Variants in CTNNA3 observed in about 807,000 individuals in gnomAD.
The protein encoded by CTNNA3 is catenin alpha 3.
In CTNNA3, 76 loss-of-function variants were observed where a neutral mutation model predicts 95.7. That is an observed-to-expected ratio of 0.79 (90% CI 0.66 to 0.96). The LOEUF is 0.96. Among genes scored for constraint, CTNNA3 ranks in the 40% least tolerant of loss-of-function variants. The probability of loss-of-function intolerance (pLI) is 0.00; values close to 1 mark genes in which losing one functional copy is unlikely to be tolerated. For synonymous variants in CTNNA3, 431 were observed against 374.4 expected, an observed-to-expected ratio of 1.15 and a Z score of -1.74; for missense variants, 1,191 against 1,089.8, an observed-to-expected ratio of 1.09 and a Z score of -1.31.
intron 5 of CTNNA3, among the ~76,000 whole-genome samples, chr10:67,384,680 TG>T (rs1163494689): frequency 6.6e-6 from 1 of 152,144 alleles, no homozygotes; most frequent in Non-Finnish European, 1.5e-5. Flanking sequence ...AATAAAACTC[TG>T]AGCCAGTGAA....
chr10:65,982,223 A>G (rs2078334381), intron 16 of CTNNA3, among the ~76,000 whole-genome samples: 1 of 151,648 alleles, frequency 6.6e-6, no homozygotes, highest in South Asian at 2.1e-4. Flanking sequence ...AGATATACAA[A>G]TGGCCAACAA....
At chr10:66,590,745 G>T (rs867877533) in intron 10 of CTNNA3, among the ~76,000 whole-genome samples, 33 of 151,916 alleles carry the variant, frequency 2.2e-4, no homozygotes, top group African/African-American at 8.0e-4. Context: ...ATACTTTTCA[G>T]TAGTTCTAAA....
intron 3 of CTNNA3, among the ~76,000 whole-genome samples, chr10:67,557,659 A>C (rs1589422598): frequency 6.6e-6 from 1 of 152,322 alleles, no homozygotes; most frequent in Admixed American, 6.5e-5. Context: ...GTTTCAAATA[A>C]CAGAATCTAT....
intron 14 of CTNNA3, among the ~76,000 whole-genome samples, chr10:66,100,782 G>A (rs1452006122): frequency 1.3e-5 from 2 of 152,142 alleles, no homozygotes; most frequent in East Asian, 3.9e-4. Context: ...GTAGTAATAA[G>A]AAGTTTACCA....
chr10:66,796,542 A>G (rs1841198871), intron 7 of CTNNA3, among the ~76,000 whole-genome samples: 1 of 152,104 alleles, frequency 6.6e-6, no homozygotes, highest in African/African-American at 2.4e-5. Flanking sequence ...GAATTACCAA[A>G]ATATGAAACA....
At chr10:66,566,229 T>A (rs1252727763) in intron 10 of CTNNA3, among the ~76,000 whole-genome samples, 1 of 152,102 alleles carries the variant, frequency 6.6e-6, no homozygotes, top group African/African-American at 2.4e-5. Flanking sequence ...AATGGAACAG[T>A]GATAGGACTT....
chr10:66,418,726 T>C (rs1203667327), intron 11 of CTNNA3, among the ~76,000 whole-genome samples: 1 of 152,044 alleles, frequency 6.6e-6, no homozygotes, highest in Non-Finnish European at 1.5e-5. Context: ...ATGTTCAAGA[T>C]ATGCAAATCA....
At chr10:66,578,642 C>T (rs1435447474) in intron 10 of CTNNA3, among the ~76,000 whole-genome samples, 1 of 151,834 alleles carries the variant, frequency 6.6e-6, no homozygotes, top group African/African-American at 2.4e-5. Context: ...TATGTTAAAC[C>T]AACATTGCAT....
At chr10:66,001,825 C>T (rs1397028119) in intron 15 of CTNNA3, among the ~76,000 whole-genome samples, 1 of 152,022 alleles carries the variant, frequency 6.6e-6, no homozygotes, top group Non-Finnish European at 1.5e-5. Flanking sequence ...ATAACATCAA[C>T]TGAATGGATT....
At chr10:65,944,855 T>TCTGTCTAC (rs1327716566) in intron 17 of CTNNA3, among the ~76,000 whole-genome samples, 21 of 32,490 alleles carry the variant, frequency 6.5e-4, no homozygotes, top group African/African-American at 2.5e-3. Context: ...AAAATATCTG[T>TCTGTCTAC]CTATCTATCT....
In CTNNA3 at chr10:67,444,339, T is replaced by C. The variant is rs537862867; in HGVS notation, c.579+77503A>G. Among the ~76,000 whole-genome samples the C allele has an allele frequency of 1.4e-4, 21 of 152,178 alleles. 1 individual carries two copies. Among genetic ancestry groups the C allele is most frequent in the African/African-American group, 4.3e-4 (18 of 41,554 alleles). ...TTAAGAAGAAAATTTACAAATTTCTTGAAACAAATGACAATGGAAACACAA... is the reference window on the plus strand; with the variant it reads ...TTAAGAAGAAAATTTACAAATTTCTCGAAACAAATGACAATGGAAACACAA... On this transcript the variant is annotated intron_variant, in intron 5 of 17. Transcript: ENST00000433211.
At chr10:66,079,446 T>G (rs2080659749) in intron 14 of CTNNA3, 1 of 151,978 alleles carries the variant, frequency 6.6e-6, no homozygotes, top group South Asian at 2.1e-4. Flanking sequence ...TGAGAAAGAA[T>G]TATATACCTC....
At chr10:67,462,378 C>T (rs137975847) in intron 5 of CTNNA3, among the ~76,000 whole-genome samples, 45 of 152,256 alleles carry the variant, frequency 3.0e-4, no homozygotes, top group South Asian at 6.2e-4. Flanking sequence ...CTTTGTCTTG[C>T]CTGTTAAAAA....
intron 5 of CTNNA3, among the ~76,000 whole-genome samples, chr10:67,520,219 C>T (rs1839941556): frequency 6.6e-6 from 1 of 152,102 alleles, no homozygotes; most frequent in African/African-American, 2.4e-5. Flanking sequence ...TTTATATAGG[C>T]ATATATGTAT....
chr10:66,958,660 C>T (rs1848960817), intron 7 of CTNNA3, among the ~76,000 whole-genome samples: 1 of 152,002 alleles, frequency 6.6e-6, no homozygotes, highest in African/African-American at 2.4e-5. Context: ...AGAACATAAT[C>T]CCCAGAGCCA....
intron 9 of CTNNA3, among the ~76,000 whole-genome samples, chr10:66,628,877 A>G (rs147624705): frequency 1.3e-5 from 2 of 152,140 alleles, no homozygotes; most frequent in Admixed American, 1.3e-4. Context: ...TTAGATGTGT[A>G]GTTAAGAGGG....
At chr10:67,614,617 G>A (rs1843588216) in intron 2 of CTNNA3, among the ~76,000 whole-genome samples, 1 of 152,158 alleles carries the variant, frequency 6.6e-6, no homozygotes, top group Admixed American at 6.5e-5. Flanking sequence ...GATGGGGGTT[G>A]GCTGTAAATA....
chr10:67,644,572 A>G (rs896306855), intron 2 of CTNNA3, among the ~76,000 whole-genome samples: 2 of 152,104 alleles, frequency 1.3e-5, no homozygotes, highest in African/African-American at 2.4e-5. Flanking sequence ...AGTGACAGAT[A>G]CAAGAAGGCT....
At chr10:67,339,480 T>C (rs1842104431) in intron 5 of CTNNA3, among the ~76,000 whole-genome samples, 1 of 152,162 alleles carries the variant, frequency 6.6e-6, no homozygotes, top group African/African-American at 2.4e-5. Flanking sequence ...AAGCCTACAA[T>C]GTTTAGTTGT....
Sources: gnomAD v4.1 joint callset for allele counts (sites outside exome capture counted in the v4.1 genomes callset) on GRCh38, gnomAD v4.1.1 for gene constraint, MANE v1.5 for transcripts, NCBI Gene and HGNC (gene_info 2026-07-23, HGNC 2026-07-21) for gene names.